The following RCOR1 variants were observed in gnomAD, a reference collection of about 807,000 sequenced individuals.
RCOR1 encodes the protein REST corepressor.
Under a neutral mutation model 64.0 loss-of-function variants are expected in RCOR1, and 12 were observed. The observed-to-expected ratio is 0.19, with a 90% CI of 0.12 to 0.30. The LOEUF (loss-of-function observed/expected upper bound fraction) is 0.30. Ranked by LOEUF, RCOR1 falls within the 10% of genes least tolerant of loss-of-function variation. RCOR1 has a pLI of 1.00. For synonymous variants in RCOR1, 279 were observed against 227.2 expected (o/e 1.23, Z -2.05); for missense variants, 502 against 621.2 (o/e 0.81, Z 2.04).
intron 2 of RCOR1, among the ~76,000 whole-genome samples, chr14:102,627,302 A>G (rs1359556738): frequency 1.3e-5 from 2 of 152,158 alleles, no homozygotes; most frequent in East Asian, 1.9e-4. Context: ...TGCATCATCA[A>G]ATTTTTCATC....
chr14:102,695,760 A>C (rs1247637263), intron 3 of RCOR1, among the ~76,000 whole-genome samples: 2 of 147,318 alleles, frequency 1.4e-5, no homozygotes, highest in Non-Finnish European at 3.0e-5. Context: ...CATGTTGGCC[A>C]GGCTGGTTTC....
At chr14:102,602,528 C>T (rs1358510453) in intron 2 of RCOR1, among the ~76,000 whole-genome samples, 2 of 151,562 alleles carry the variant, frequency 1.3e-5, no homozygotes, top group South Asian at 2.1e-4. Context: ...CTCAGCCTCC[C>T]GTGTAGCTAG....
At chr14:102,674,334 C>T (rs117434608) in intron 2 of RCOR1, among the ~76,000 whole-genome samples, 175 of 152,284 alleles carry the variant, frequency 1.1e-3, no homozygotes, top group Non-Finnish European at 2.3e-3. Context: ...AGAGTCTAGC[C>T]AAGTTGACAC....
At chr14:102,599,164 C>T (rs955546361) in intron 2 of RCOR1, among the ~76,000 whole-genome samples, 3 of 151,572 alleles carry the variant, frequency 2.0e-5, no homozygotes, top group Non-Finnish European at 4.4e-5. Flanking sequence ...TAGGGTCACA[C>T]TCTGTCACCA....
chr14:102,649,876 C>A, intron 2 of RCOR1: 1 of 735,774 alleles, frequency 1.4e-6, no homozygotes, highest in Non-Finnish European at 1.7e-6. Flanking sequence ...TGTATGAAGG[C>A]AGTGAAGAAA....
At chr14:102,596,878 T>C (rs1893262249) in intron 2 of RCOR1, among the ~76,000 whole-genome samples, 1 of 145,840 alleles carries the variant, frequency 6.9e-6, no homozygotes, top group Non-Finnish European at 1.5e-5. Context: ...CCCCCGCCTT[T>C]TTTTTTTTTT....
At chr14:102,693,722 GAT>G (rs1395104598) in intron 3 of RCOR1, among the ~76,000 whole-genome samples, 2 of 152,206 alleles carry the variant, frequency 1.3e-5, no homozygotes, top group African/African-American at 4.8e-5. Flanking sequence ...TGCTGCCAGA[GAT>G]AGAAAGTTGG....
intron 3 of RCOR1, among the ~76,000 whole-genome samples, chr14:102,682,422 G>A (rs2139961458): frequency 6.6e-6 from 1 of 152,294 alleles, no homozygotes; most frequent in Middle Eastern, 3.4e-3. Context: ...GAGCCACTGC[G>A]CCCTGTGATC....
chr14:102,641,952 A>T (rs543349177), intron 2 of RCOR1, among the ~76,000 whole-genome samples: 2 of 152,318 alleles, frequency 1.3e-5, no homozygotes, highest in Admixed American at 1.3e-4. Context: ...GAATTTGAGC[A>T]GCACTGAATC....
At chr14:102,681,687 C>T (rs1181224179) in intron 2 of RCOR1, among the ~76,000 whole-genome samples, 2 of 152,184 alleles carry the variant, frequency 1.3e-5, no homozygotes, top group Non-Finnish European at 2.9e-5. Context: ...ACTGTAAAAT[C>T]AGTAAAAGTA....
At chr14:102,708,623 A>G (rs1595240759) in intron 6 of RCOR1, 40 bp downstream of exon 6, 2 of 1,120,534 alleles carry the variant, frequency 1.8e-6, no homozygotes, top group Non-Finnish European at 2.7e-6. Context: ...CACTTAGGGG[A>G]CTATCTAAGA....
At chr14:102,605,898 C>T (rs1401467023) in intron 2 of RCOR1, among the ~76,000 whole-genome samples, 1 of 151,934 alleles carries the variant, frequency 6.6e-6, no homozygotes, top group African/African-American at 2.4e-5. Context: ...TGACTGTAGG[C>T]TAGGCCAATG....
In RCOR1 at chr14:102,710,178, C is replaced by T. The variant is rs558738584; in HGVS notation, c.780-757C>T. On this transcript the variant is annotated intron_variant, in intron 6 of 11. Coordinates refer to ENST00000262241, the MANE Select transcript of RCOR1 (RefSeq NM_015156.4). ...GGTGGAGGATGGGGAGGAGGTGGCG[C>T]GTAGTGGGCATGGTCCCGTGGGATG... 3.3e-5 allele frequency among the ~76,000 whole-genome samples: 5 copies of T among 152,280 alleles called. No homozygotes were observed. In the South Asian group the frequency reaches 8.3e-4, roughly 25 times the overall value.
chr14:102,697,848 G>A (rs988459534), intron 3 of RCOR1, among the ~76,000 whole-genome samples: 8 of 151,806 alleles, frequency 5.3e-5, no homozygotes, highest in African/African-American at 1.9e-4. Flanking sequence ...AGCCTTCCAA[G>A]TAGCTGGGAT....
intron 2 of RCOR1, among the ~76,000 whole-genome samples, chr14:102,619,486 T>C (rs1478683761): frequency 1.6e-4 from 18 of 112,370 alleles, no homozygotes; most frequent in African/African-American, 7.0e-4. Context: ...TTTTTTTTTT[T>C]TTTTTTTTTT....
chr14:102,689,005 A>G (rs1895476896), intron 3 of RCOR1, among the ~76,000 whole-genome samples: 1 of 152,198 alleles, frequency 6.6e-6, no homozygotes. Context: ...CTTCATGCAG[A>G]CACCACTGCA....
chr14:102,596,996 C>A (rs989024857), intron 2 of RCOR1, among the ~76,000 whole-genome samples: 3 of 151,952 alleles, frequency 2.0e-5, no homozygotes, highest in Non-Finnish European at 4.4e-5. Context: ...CCTCAGCCTC[C>A]CAAGTAGTTG....
chr14:102,598,447 CTTT>C (rs34776749), intron 2 of RCOR1, among the ~76,000 whole-genome samples: 15 of 127,264 alleles, frequency 1.2e-4, no homozygotes, highest in Non-Finnish European at 2.3e-4. Context: ...TGATTCAGTT[CTTT>C]TTTTTTTTTT....
At chr14:102,705,533 C>T (rs992231160) in intron 4 of RCOR1, among the ~76,000 whole-genome samples, 1 of 152,180 alleles carries the variant, frequency 6.6e-6, no homozygotes, top group Non-Finnish European at 1.5e-5. Context: ...CAGCCTCAAA[C>T]CCCTGGGCTC....
Sources: allele counts gnomAD v4.1 joint callset (sites outside exome capture counted in the v4.1 genomes callset), GRCh38; gene constraint gnomAD v4.1.1; transcripts MANE v1.5; gene names NCBI Gene and HGNC (gene_info 2026-07-23, HGNC 2026-07-21).